Variants in ZNF148 observed in about 807,000 individuals in gnomAD.
The protein encoded by ZNF148 is zinc finger protein 148, also known as Beta-Enolase Repressor Factor-1.
In ZNF148, 7 loss-of-function variants were observed where a neutral mutation model predicts 67.7. The ratio of observed to expected loss-of-function variants is 0.10; its 90% CI spans 0.06 to 0.19. The LOEUF is 0.19. Among genes scored for constraint, ZNF148 ranks in the 10% least tolerant of loss-of-function variants. The probability of loss-of-function intolerance (pLI) is 1.00; values close to 1 mark genes in which losing one functional copy is unlikely to be tolerated. For missense variants in ZNF148, 583 were observed against 947.1 expected, an observed-to-expected ratio of 0.62 and a Z score of 5.05; for synonymous variants, 333 against 330.7, an observed-to-expected ratio of 1.01 and a Z score of -0.08.
chr3:125,307,730 T>C (rs534031832), intron 4 of ZNF148, among the ~76,000 whole-genome samples: 1 of 152,128 alleles, frequency 6.6e-6, no homozygotes, highest in East Asian at 1.9e-4. Context: ...CTGCAACCTC[T>C]GCCTCCTGGA....
intron 1 of ZNF148, among the ~76,000 whole-genome samples, chr3:125,360,132 C>G (rs1942491459): frequency 6.6e-6 from 1 of 152,210 alleles, no homozygotes; most frequent in Non-Finnish European, 1.5e-5. Flanking sequence ...CTGCAAGCTA[C>G]TCTCTCCTCT....
Position 125,230,903 on chromosome 3 carries a change from AACC to A in ZNF148, c.*1435_*1437del, listed in dbSNP as rs775303161. ...TCAAAACTGCCCAACGCATAACTCA[AACC>A]ATCATTCTTCAGAAAAGTGTGTGTG... On this transcript the variant is annotated 3_prime_UTR_variant, in exon 9 of 9. Coordinates refer to ENST00000360647, the MANE Select transcript of ZNF148 (RefSeq NM_021964.3). 21 of 152,526 alleles carry A rather than the reference AACC, an allele frequency of 1.4e-4. No individual in the cohort carries two copies. The highest frequency in any genetic ancestry group is 2.5e-4 in the Non-Finnish European group (17 of 67,936). 9.4% of individuals were successfully genotyped at this position (152,526 alleles called of 1,614,324 possible). A position where few individuals can be genotyped will look rare whatever the true frequency, so the allele number is the denominator to read the frequency against.
At chr3:125,352,381 G>A (rs748083566) in intron 1 of ZNF148, among the ~76,000 whole-genome samples, 7 of 152,138 alleles carry the variant, frequency 4.6e-5, no homozygotes, top group Non-Finnish European at 7.4e-5. Context: ...TGCCAGGGAC[G>A]GGGAGGAAGA....
chr3:125,363,206 A>C (rs1373893194), intron 1 of ZNF148, among the ~76,000 whole-genome samples: 2 of 152,206 alleles, frequency 1.3e-5, no homozygotes, highest in African/African-American at 4.8e-5. Context: ...GGAATGCATA[A>C]TGATTTCTTT....
intron 1 of ZNF148, among the ~76,000 whole-genome samples, chr3:125,347,271 C>T (rs565703654): frequency 2.0e-4 from 30 of 152,146 alleles, no homozygotes; most frequent in Non-Finnish European, 3.7e-4. Flanking sequence ...ACCAAATCAC[C>T]TACTGATTCA....
At chr3:125,332,813 AAATTT>A (rs1343599290) in intron 1 of ZNF148, among the ~76,000 whole-genome samples, 1 of 152,206 alleles carries the variant, frequency 6.6e-6, no homozygotes, top group Non-Finnish European at 1.5e-5. Flanking sequence ...ACACTCTGCT[AAATTT>A]AATTTGTCTA....
intron 1 of ZNF148, among the ~76,000 whole-genome samples, chr3:125,347,761 G>A (rs1942000476): frequency 6.6e-6 from 1 of 151,780 alleles, no homozygotes; most frequent in Non-Finnish European, 1.5e-5. Context: ...GAACTCCTGG[G>A]CTCAAAGATC....
chr3:125,256,677 A>G (rs1468876433), intron 7 of ZNF148, among the ~76,000 whole-genome samples: 1 of 152,168 alleles, frequency 6.6e-6, no homozygotes, highest in African/African-American at 2.4e-5. Context: ...CTCCATCTCA[A>G]AAAAACAAAA....
chr3:125,247,640 A>G (rs1275424872), intron 7 of ZNF148, among the ~76,000 whole-genome samples: 1 of 152,084 alleles, frequency 6.6e-6, no homozygotes, highest in Non-Finnish European at 1.5e-5. Flanking sequence ...GGGTTTCACC[A>G]TGTTGCCCAG....
At chr3:125,363,639 T>C (rs778091473) in intron 1 of ZNF148, among the ~76,000 whole-genome samples, 1 of 151,954 alleles carries the variant, frequency 6.6e-6, no homozygotes. Context: ...ACCCAACTTA[T>C]ACCCTCAATA....
chr3:125,272,247 T>C (rs920250499), intron 7 of ZNF148, among the ~76,000 whole-genome samples: 4 of 152,262 alleles, frequency 2.6e-5, no homozygotes, highest in East Asian at 3.8e-4. Flanking sequence ...ATCTGACATA[T>C]GCTTCATCAA....
rs531837477 is a variant in ZNF148, at chr3:125,260,566, T to C, written c.667+17160A>G. On this transcript the variant is annotated intron_variant, in intron 7 of 8. Coordinates refer to ENST00000360647, the MANE Select transcript of ZNF148 (RefSeq NM_021964.3). ...TATGATGTTCTGGAAGAGGCAAAAC[T>C]ACAGAGACAAAAATCTTATCAGTGT... 5.1e-4 allele frequency among the ~76,000 whole-genome samples: 78 copies of C among 152,272 alleles called. 3 individuals are homozygous for C. In the Middle Eastern group the frequency reaches 0.017, roughly 33 times the overall value.
In ZNF148 at chr3:125,243,457, A is replaced by G. The variant is rs867476397; in HGVS notation, c.668-9128T>C. On this transcript the variant is annotated intron_variant, in intron 7 of 8. Coordinates refer to ENST00000360647, the MANE Select transcript of ZNF148 (RefSeq NM_021964.3). ...TTTTCTCATCCACTATTCTCAAACA[A>G]TTAAAAAGAAGTAGTGATAATGGGC... is the stretch of plus-strand genomic sequence containing the variant. Among the ~76,000 whole-genome samples, 49 of 152,334 alleles carry G rather than the reference A, an allele frequency of 3.2e-4. 1 individual carries two copies. The highest frequency in any genetic ancestry group is 3.4e-3 in the Middle Eastern group (1 of 294).
chr3:125,302,235 A>G (rs1443530945), intron 4 of ZNF148, among the ~76,000 whole-genome samples: 3 of 151,920 alleles, frequency 2.0e-5, no homozygotes, highest in Non-Finnish European at 2.9e-5. Flanking sequence ...AACATTAGCC[A>G]GGCAAGGTGG....
At chr3:125,325,085 T>C (rs1940961964) in intron 2 of ZNF148, among the ~76,000 whole-genome samples, 1 of 152,142 alleles carries the variant, frequency 6.6e-6, no homozygotes, top group Non-Finnish European at 1.5e-5. Flanking sequence ...ATGTTAAATA[T>C]GTTAAAAGGA....
At chr3:125,276,716 G>A (rs1560133925) in intron 7 of ZNF148, among the ~76,000 whole-genome samples, 1 of 152,128 alleles carries the variant, frequency 6.6e-6, no homozygotes, top group Non-Finnish European at 1.5e-5. Context: ...TTACAGGCAT[G>A]AGCCACTGAG....
intron 7 of ZNF148, among the ~76,000 whole-genome samples, chr3:125,241,202 TTAAA>T: frequency 6.6e-6 from 1 of 152,234 alleles, no homozygotes; most frequent in South Asian, 2.1e-4. Flanking sequence ...ATCAAAACAC[TTAAA>T]AAGAGTATAC....
intron 1 of ZNF148, among the ~76,000 whole-genome samples, chr3:125,353,871 T>C (rs911365568): frequency 2.6e-5 from 4 of 152,030 alleles, no homozygotes; most frequent in African/African-American, 9.7e-5. Context: ...CCTAGGAGTT[T>C]GAGACCAGCC....
rs906542715 is a variant in ZNF148, at chr3:125,226,516, A to T, written c.*5825T>A. On this transcript the variant is annotated 3_prime_UTR_variant, in exon 9 of 9. Transcript: ENST00000360647. ...TACATAAAATGGTTTTATAAACTCC[A>T]AATGGCAAAGATAACTATATGACAA... 1.8e-4 allele frequency: 28 copies of T among 152,654 alleles called. 1 individual carries two copies. Among genetic ancestry groups the T allele is most frequent in the Non-Finnish European group, 1.5e-5 (1 of 68,034 alleles). 9.5% of individuals were successfully genotyped at this position (152,654 alleles called of 1,614,324 possible).
Sources: allele counts gnomAD v4.1 joint callset (sites outside exome capture counted in the v4.1 genomes callset), GRCh38; gene constraint gnomAD v4.1.1; transcripts MANE v1.5; gene names NCBI Gene and HGNC (gene_info 2026-07-23, HGNC 2026-07-21).